POLN: variants seen among roughly 807,000 people sequenced by gnomAD.
The protein encoded by POLN is DNA polymerase nu.
Under a neutral mutation model 113.5 loss-of-function variants are expected in POLN, and 108 were observed. The observed-to-expected ratio is 0.95, with a 90% CI of 0.81 to 1.12. The LOEUF is 1.12. Ranked by LOEUF, POLN falls within the 50% of genes most tolerant of loss-of-function variation. The probability of loss-of-function intolerance (pLI) is 0.00; values close to 1 mark genes in which losing one functional copy is unlikely to be tolerated. For synonymous variants in POLN, 386 were observed against 391.5 expected (o/e 0.99, Z 0.17); for missense variants, 1,097 against 1,077.1 (o/e 1.02, Z -0.26).
chr4:2,182,665 A>C (rs1372044013), intron 7 of POLN, among the ~76,000 whole-genome samples: 3 of 152,226 alleles, frequency 2.0e-5, no homozygotes, highest in African/African-American at 7.2e-5. Flanking sequence ...GCAAAAATTA[A>C]CCAAAAATGG....
Position 2,176,351 on chromosome 4 carries a change from G to C in POLN, c.1180-17C>G. 1 of 1,567,158 alleles carries C rather than the reference G, an allele frequency of 6.4e-7. No homozygotes were observed. On this transcript the variant is annotated splice_polypyrimidine_tract_variant and intron_variant, in intron 8 of 25. Transcript: ENST00000511885. ...ATTCTGATTCTTTAAAAGAGCAAAAGTATTTTTAAAAATCAGATAAACTTG... is the reference window on the plus strand; with the variant it reads ...ATTCTGATTCTTTAAAAGAGCAAAACTATTTTTAAAAATCAGATAAACTTG...
intron 9 of POLN, among the ~76,000 whole-genome samples, chr4:2,175,570 T>C (rs1043560687): frequency 2.0e-5 from 3 of 152,238 alleles, no homozygotes; most frequent in African/African-American, 7.2e-5. Flanking sequence ...GGAATCTCTA[T>C]TTATCCGGGC....
chr4:2,220,143 G>A (rs1013041987), intron 3 of POLN, among the ~76,000 whole-genome samples: 1 of 151,730 alleles, frequency 6.6e-6, no homozygotes, highest in African/African-American at 2.4e-5. Flanking sequence ...TGCACCCCAC[G>A]CCCTACAGAA....
chr4:2,096,775 C>T (rs532998745), intron 19 of POLN, among the ~76,000 whole-genome samples: 53 of 151,756 alleles, frequency 3.5e-4, no homozygotes, highest in African/African-American at 1.2e-3. Flanking sequence ...TTCTCCCAAT[C>T]TGTTTTGTGG....
chr4:2,077,811 C>T (rs1730310912), intron 23 of POLN, among the ~76,000 whole-genome samples: 1 of 152,200 alleles, frequency 6.6e-6, no homozygotes, highest in Non-Finnish European at 1.5e-5. Flanking sequence ...GACCGCGCTT[C>T]TAACTGGGAA....
chr4:2,223,183 G>A (rs1734302727), intron 3 of POLN, among the ~76,000 whole-genome samples: 1 of 152,140 alleles, frequency 6.6e-6, no homozygotes, highest in Admixed American at 6.5e-5. Flanking sequence ...GTCATGCAGG[G>A]ATATGTTCTG....
At chr4:2,096,549 G>A (rs1016914991) in intron 19 of POLN, among the ~76,000 whole-genome samples, 3 of 151,922 alleles carry the variant, frequency 2.0e-5, no homozygotes, top group Admixed American at 6.6e-5. Flanking sequence ...CTCCTCCTCC[G>A]AGAGCACCTT....
At chr4:2,201,305 G>GAAAAAAAAA (rs1733709580) in intron 5 of POLN, among the ~76,000 whole-genome samples, 14 of 58,106 alleles carry the variant, frequency 2.4e-4, no homozygotes, top group African/African-American at 7.2e-4. Context: ...AAAAAAAAAC[G>GAAAAAAAAA]AGGGGAGAAA....
At chr4:2,136,624 A>G (rs1343375417) in intron 16 of POLN, among the ~76,000 whole-genome samples, 1 of 152,230 alleles carries the variant, frequency 6.6e-6, no homozygotes, top group African/African-American at 2.4e-5. Context: ...CATTTGTTAA[A>G]ATCTCAGTAG....
At chr4:2,136,960 C>T (rs1431373808) in intron 16 of POLN, among the ~76,000 whole-genome samples, 9 of 152,228 alleles carry the variant, frequency 5.9e-5, no homozygotes, top group Non-Finnish European at 1.0e-4. Flanking sequence ...CTGTGGCAGT[C>T]GCCCCACACG....
intron 5 of POLN, among the ~76,000 whole-genome samples, chr4:2,204,925 T>C (rs1474736110): frequency 6.6e-6 from 1 of 152,176 alleles, no homozygotes; most frequent in African/African-American, 2.4e-5. Context: ...ACAATTGGCA[T>C]ACAAGGGACA....
chr4:2,094,786 G>A (rs1489916564), intron 20 of POLN, among the ~76,000 whole-genome samples: 1 of 152,164 alleles, frequency 6.6e-6, no homozygotes, highest in Non-Finnish European at 1.5e-5. Flanking sequence ...CTGGACGCTT[G>A]TTCAACGGCA....
chr4:2,075,967 C>T (rs778346864), intron 23 of POLN, among the ~76,000 whole-genome samples: 1 of 152,134 alleles, frequency 6.6e-6, no homozygotes, highest in Non-Finnish European at 1.5e-5. Flanking sequence ...TGACATGGGC[C>T]GAGCCTCGAA....
At chr4:2,240,803 A>G in intron 2 of POLN, 1 of 1,613,926 alleles carries the variant, frequency 6.2e-7, no homozygotes, top group Non-Finnish European at 8.5e-7. Flanking sequence ...CGTTCTGTTC[A>G]TTCACATTCC....
intron 2 of POLN, chr4:2,231,907 G>T: frequency 2.0e-6 from 2 of 1,003,922 alleles, no homozygotes; most frequent in South Asian, 2.9e-5. Context: ...ACGTAATAAA[G>T]ATTCAGTTTT....
At chr4:2,215,933 T>C (rs1342045818) in intron 3 of POLN, among the ~76,000 whole-genome samples, 1 of 152,220 alleles carries the variant, frequency 6.6e-6, no homozygotes, top group African/African-American at 2.4e-5. Context: ...TGGCTTAGCT[T>C]ACCTGATCAG....
At chr4:2,075,413 T>C in intron 24 of POLN, 39 bp downstream of exon 24, 1 of 1,605,680 alleles carries the variant, frequency 6.2e-7, no homozygotes, top group South Asian at 1.1e-5. Context: ...CTCTTAGCTG[T>C]CTGTGATGTC....
At chr4:2,215,697 T>C (rs1468661777) in intron 3 of POLN, among the ~76,000 whole-genome samples, 1 of 152,206 alleles carries the variant, frequency 6.6e-6, no homozygotes, top group African/African-American at 2.4e-5. Context: ...CAGTGCTTGC[T>C]ACACTCCACA....
chr4:2,203,554 T>C (rs1733768264), intron 5 of POLN, among the ~76,000 whole-genome samples: 1 of 149,316 alleles, frequency 6.7e-6, no homozygotes, highest in Non-Finnish European at 1.5e-5. Flanking sequence ...CACTCCAGCC[T>C]GGGTGACACA....
Sources: allele counts gnomAD v4.1 joint callset (sites outside exome capture counted in the v4.1 genomes callset), GRCh38; gene constraint gnomAD v4.1.1; transcripts MANE v1.5; gene names NCBI Gene and HGNC (gene_info 2026-07-23, HGNC 2026-07-21).